WWOX: variants seen among roughly 807,000 people sequenced by gnomAD.
The protein encoded by WWOX is WW domain containing oxidoreductase.
In WWOX, 69 loss-of-function variants were observed where a neutral mutation model predicts 46.2. The observed-to-expected ratio is 1.49, with a 90% CI of 1.23 to 1.82. The LOEUF (loss-of-function observed/expected upper bound fraction) is 1.82. Among genes scored for constraint, WWOX ranks in the 40% most tolerant of loss-of-function variants. The pLI is 0.00. For synonymous variants in WWOX, 359 were observed against 202.6 expected (o/e 1.77, Z -6.56); for missense variants, 919 against 542.6 (o/e 1.69, Z -6.89).
At chr16:78,222,558 T>C (rs1280332788) in intron 5 of WWOX, among the ~76,000 whole-genome samples, 2 of 152,170 alleles carry the variant, frequency 1.3e-5, no homozygotes, top group East Asian at 3.9e-4. Context: ...CTGTTAACTT[T>C]AGGCACAGCG....
At chr16:78,785,211 G>C (rs549898840) in intron 8 of WWOX, among the ~76,000 whole-genome samples, 1 of 152,216 alleles carries the variant, frequency 6.6e-6, no homozygotes, top group Non-Finnish European at 1.5e-5. Flanking sequence ...TTTGCTAGCA[G>C]GCGCTCTCAG....
chr16:78,951,735 C>G (rs1026695306), intron 8 of WWOX, among the ~76,000 whole-genome samples: 1 of 152,190 alleles, frequency 6.6e-6, no homozygotes, highest in Admixed American at 6.5e-5. Flanking sequence ...GAGGCCTGGG[C>G]CCATGGAAGG....
At chr16:78,539,884 T>G (rs11648629) in intron 8 of WWOX, among the ~76,000 whole-genome samples, 19,710 of 152,184 alleles carry the variant, frequency 0.13, 1,409 homozygotes, top group South Asian at 0.28. Context: ...TCTCTCTTCA[T>G]AGATAGGATC....
chr16:78,686,468 G>T (rs1372866987), intron 8 of WWOX, among the ~76,000 whole-genome samples: 1 of 151,378 alleles, frequency 6.6e-6, no homozygotes. Context: ...CAGAGATGGT[G>T]CCACTGTACT....
rs577048788 is a variant in WWOX, at chr16:78,118,062, C to T, written c.409+2908C>T. On this transcript the variant is annotated intron_variant, in intron 4 of 8. Coordinates refer to ENST00000566780, the MANE Select transcript of WWOX (RefSeq NM_016373.4). ...CTTTCTTTCTTTTTTTTTTTTAATG[C>T]CCCATATGACGCTGCTTTGTTGGAA... is the stretch of plus-strand genomic sequence containing the variant. 9.2e-4 allele frequency among the ~76,000 whole-genome samples: 137 copies of T among 148,410 alleles called. 1 individual carries two copies. Among genetic ancestry groups the T allele is most frequent in the African/African-American group, 2.9e-3 (115 of 40,074 alleles).
intron 8 of WWOX, among the ~76,000 whole-genome samples, chr16:78,872,053 A>C (rs1289968643): frequency 6.6e-6 from 1 of 152,180 alleles, no homozygotes; most frequent in African/African-American, 2.4e-5. Flanking sequence ...ATTTCTGTCA[A>C]CCCTTCTAAC....
intron 8 of WWOX, among the ~76,000 whole-genome samples, chr16:78,868,117 G>A (rs763856722): frequency 3.9e-5 from 6 of 152,036 alleles, no homozygotes; most frequent in Admixed American, 2.0e-4. Context: ...GCCAAACGCC[G>A]GAAATACCCA....
chr16:78,885,634 A>G (rs773376008), intron 8 of WWOX, among the ~76,000 whole-genome samples: 4 of 152,190 alleles, frequency 2.6e-5, no homozygotes, highest in Non-Finnish European at 5.9e-5. Context: ...TATTTGAGCA[A>G]GTTGCAATTT....
intron 4 of WWOX, among the ~76,000 whole-genome samples, chr16:78,125,177 G>A (rs534403827): frequency 3.9e-5 from 6 of 152,078 alleles, no homozygotes; most frequent in East Asian, 1.9e-4. Context: ...TGAAGATTCC[G>A]TACTTGTCAT....
At position 78,945,495 on chromosome 16, in the gene WWOX, C is replaced by G. The variant is rs115717220; in HGVS notation, c.1057-266113C>G. ...AGTTTTGGGGTTTGTTTTGTTTTGA[C>G]CAATTTTTGTAAATCTCTTCTGTTA... On this transcript the variant is annotated intron_variant, in intron 8 of 8. Coordinates refer to ENST00000566780, the MANE Select transcript of WWOX (RefSeq NM_016373.4). Among the ~76,000 whole-genome samples, 263 of 152,290 alleles carry G rather than the reference C, an allele frequency of 1.7e-3. 1 individual carries two copies. Among genetic ancestry groups the G allele is most frequent in the African/African-American group, 6.1e-3 (252 of 41,568 alleles).
At chr16:78,894,800 G>C (rs187178534) in intron 8 of WWOX, among the ~76,000 whole-genome samples, 184 of 152,256 alleles carry the variant, frequency 1.2e-3, no homozygotes, top group African/African-American at 4.2e-3. Flanking sequence ...AGTTGACCTT[G>C]AGACCCCAAG....
At chr16:78,321,866 T>G (rs972277888) in intron 5 of WWOX, among the ~76,000 whole-genome samples, 1 of 152,046 alleles carries the variant, frequency 6.6e-6, no homozygotes, top group Non-Finnish European at 1.5e-5. Flanking sequence ...AGGCATATGA[T>G]TCTGTTGACA....
At chr16:78,549,457 C>G (rs1036550089) in intron 8 of WWOX, among the ~76,000 whole-genome samples, 3 of 152,072 alleles carry the variant, frequency 2.0e-5, no homozygotes, top group Non-Finnish European at 2.9e-5. Context: ...CAGGGTTTCC[C>G]ATTCAGTCAT....
intron 8 of WWOX, among the ~76,000 whole-genome samples, chr16:78,712,784 T>C (rs2048470887): frequency 6.6e-6 from 1 of 152,162 alleles, no homozygotes; most frequent in Non-Finnish European, 1.5e-5. Flanking sequence ...TGCTTTAAAA[T>C]AATGCGGAAA....
intron 8 of WWOX, among the ~76,000 whole-genome samples, chr16:78,740,735 G>A (rs953910693): frequency 6.6e-6 from 1 of 152,140 alleles, no homozygotes; most frequent in African/African-American, 2.4e-5. Context: ...CATTCAATTT[G>A]ACACACCAAA....
At chr16:78,895,208 G>A (rs1397478603) in intron 8 of WWOX, among the ~76,000 whole-genome samples, 1 of 152,114 alleles carries the variant, frequency 6.6e-6, no homozygotes, top group African/African-American at 2.4e-5. Flanking sequence ...AAAGAATCTG[G>A]GCTTACCCAG....
intron 5 of WWOX, among the ~76,000 whole-genome samples, chr16:78,306,471 C>T (rs1311951490): frequency 3.9e-5 from 6 of 152,166 alleles, no homozygotes; most frequent in African/African-American, 1.2e-4. Context: ...TTCATCTGGG[C>T]ACCTTTCCCA....
chr16:78,984,820 T>C (rs1021948719), intron 8 of WWOX, among the ~76,000 whole-genome samples: 2 of 152,166 alleles, frequency 1.3e-5, no homozygotes, highest in African/African-American at 4.8e-5. Flanking sequence ...AAGGAACGTG[T>C]GCAGGGGATG....
chr16:78,359,142 G>T (rs1282844367), intron 5 of WWOX, among the ~76,000 whole-genome samples: 1 of 152,090 alleles, frequency 6.6e-6, no homozygotes, highest in African/African-American at 2.4e-5. Flanking sequence ...CTGAGTGTCT[G>T]TACCTTCCTA....
Sources: gnomAD v4.1 joint callset for allele counts (sites outside exome capture counted in the v4.1 genomes callset) on GRCh38, gnomAD v4.1.1 for gene constraint, MANE v1.5 for transcripts, NCBI Gene and HGNC (gene_info 2026-07-23, HGNC 2026-07-21) for gene names.